The following CCDC7 variants were observed in gnomAD, a reference collection of about 807,000 sequenced individuals.
The protein encoded by CCDC7 is coiled-coil domain-containing protein 7.
In CCDC7, 183 loss-of-function variants were observed where a neutral mutation model predicts 196.9. That is an observed-to-expected ratio of 0.93 (90% CI 0.82 to 1.05). The LOEUF is 1.05. Among genes scored for constraint, CCDC7 ranks in the 50% least tolerant of loss-of-function variants. The pLI is 0.00. For missense variants in CCDC7, 1,540 were observed against 1,482.2 expected (o/e 1.04, Z -0.64); for synonymous variants, 525 against 484.6 (o/e 1.08, Z -1.10).
chr10:32,713,480 G>C (rs73261223), intron 25 of CCDC7, among the ~76,000 whole-genome samples: 8,085 of 152,308 alleles, frequency 0.053, 717 homozygotes, highest in African/African-American at 0.18. Flanking sequence ...AGTAGGAAGG[G>C]TCTGTATGTT....
intron 9 of CCDC7, chr10:32,512,021 C>T (rs926147785): frequency 7.8e-6 from 3 of 386,400 alleles, no homozygotes; most frequent in African/African-American, 6.1e-5. Context: ...ACATATTCTT[C>T]AGGATCTTGT....
chr10:32,670,219 C>G (rs1042231649), intron 21 of CCDC7, among the ~76,000 whole-genome samples: 2 of 151,992 alleles, frequency 1.3e-5, no homozygotes, highest in African/African-American at 4.8e-5. Flanking sequence ...TTTTAATAGT[C>G]CTTGTCTGTT....
At chr10:32,731,951 G>A (rs2084049367) in intron 28 of CCDC7, among the ~76,000 whole-genome samples, 1 of 152,260 alleles carries the variant, frequency 6.6e-6, no homozygotes, top group Non-Finnish European at 1.5e-5. Flanking sequence ...TACTTGGGAG[G>A]CTGAGACAGG....
intron 13 of CCDC7, among the ~76,000 whole-genome samples, chr10:32,546,120 C>T (rs1160494747): frequency 1.3e-5 from 2 of 152,034 alleles, no homozygotes; most frequent in Non-Finnish European, 2.9e-5. Flanking sequence ...AAAAACATAT[C>T]GAATGCTATA....
chr10:32,830,697 A>C (rs950158194), intron 32 of CCDC7, among the ~76,000 whole-genome samples: 5 of 152,190 alleles, frequency 3.3e-5, no homozygotes, highest in Non-Finnish European at 7.3e-5. Context: ...TAACTGAAGA[A>C]AAATTCACTA....
intron 16 of CCDC7, among the ~76,000 whole-genome samples, chr10:32,579,743 C>G (rs1300670975): frequency 6.6e-6 from 1 of 152,094 alleles, no homozygotes; most frequent in African/African-American, 2.4e-5. Context: ...TACCTGATCA[C>G]TATAGCCATT....
chr10:32,648,863 G>C (rs1477439893), intron 20 of CCDC7, among the ~76,000 whole-genome samples: 1 of 151,946 alleles, frequency 6.6e-6, no homozygotes, highest in Non-Finnish European at 1.5e-5. Flanking sequence ...GGTGTTTTAT[G>C]TCGTTACAGC....
At chr10:32,728,090 C>A (rs566660255) in intron 26 of CCDC7, among the ~76,000 whole-genome samples, 22 of 152,252 alleles carry the variant, frequency 1.4e-4, no homozygotes, top group Non-Finnish European at 2.5e-4. Flanking sequence ...ATCTCATACA[C>A]CCCCTTTCTT....
intron 9 of CCDC7, among the ~76,000 whole-genome samples, chr10:32,502,943 CT>C (rs2044305120): frequency 6.6e-6 from 1 of 151,870 alleles, no homozygotes; most frequent in African/African-American, 2.4e-5. Context: ...TTCTTGCCTT[CT>C]TTTTTAGATA....
At chr10:32,492,563 G>T (rs1044365965) in intron 9 of CCDC7, among the ~76,000 whole-genome samples, 1 of 147,858 alleles carries the variant, frequency 6.8e-6, no homozygotes, top group Non-Finnish European at 1.5e-5. Context: ...AGGACATTCT[G>T]CTAAGTATAA....
At chr10:32,641,652 C>T (rs548802095) in intron 20 of CCDC7, among the ~76,000 whole-genome samples, 9 of 152,342 alleles carry the variant, frequency 5.9e-5, no homozygotes, top group East Asian at 3.9e-4. Context: ...TCTCTCAACT[C>T]GTCAAAGTCA....
At chr10:32,785,438 G>A (rs1265395168) in intron 29 of CCDC7, among the ~76,000 whole-genome samples, 1 of 152,042 alleles carries the variant, frequency 6.6e-6, no homozygotes, top group Non-Finnish European at 1.5e-5. Flanking sequence ...CTACACATAA[G>A]CACTTACAAG....
chr10:32,857,519 C>T (rs931670473), intron 41 of CCDC7, among the ~76,000 whole-genome samples: 1 of 151,958 alleles, frequency 6.6e-6, no homozygotes, highest in African/African-American at 2.4e-5. Context: ...AAACATGCTC[C>T]TGAACAACCA....
intron 33 of CCDC7, among the ~76,000 whole-genome samples, chr10:32,839,010 A>G (rs2092802990): frequency 6.6e-6 from 1 of 151,976 alleles, no homozygotes; most frequent in Admixed American, 6.6e-5. Context: ...CAAACCCTCA[A>G]AATACACCAA....
intron 28 of CCDC7, among the ~76,000 whole-genome samples, chr10:32,761,168 TTAACA>T (rs2077408854): frequency 6.6e-6 from 1 of 152,182 alleles, no homozygotes; most frequent in East Asian, 1.9e-4. Context: ...ATTTGGCTTC[TTAACA>T]TAATACAGAA....
chr10:32,808,407 C>T (rs1183868040), intron 30 of CCDC7, among the ~76,000 whole-genome samples: 1 of 152,180 alleles, frequency 6.6e-6, no homozygotes, highest in Non-Finnish European at 1.5e-5. Flanking sequence ...GGCATCTGTG[C>T]ACTCTTCCTG....
chr10:32,524,071 C>CTT (rs35310138), intron 11 of CCDC7, among the ~76,000 whole-genome samples: 5,052 of 136,776 alleles, frequency 0.037, 130 homozygotes, highest in Non-Finnish European at 0.05. Context: ...TTCCTTCTGT[C>CTT]TTTTTTTTTT....
At chr10:32,664,649 A>G (rs2072254035) in intron 21 of CCDC7, among the ~76,000 whole-genome samples, 1 of 152,034 alleles carries the variant, frequency 6.6e-6, no homozygotes, top group Admixed American at 6.6e-5. Flanking sequence ...ACATTCATCC[A>G]TATTATCACA....
chr10:32,630,610 C>T (rs1445462974), intron 18 of CCDC7, among the ~76,000 whole-genome samples: 3 of 152,034 alleles, frequency 2.0e-5, no homozygotes, highest in African/African-American at 7.2e-5. Context: ...GAACAGATCT[C>T]CCAGACAAAA....
Sources: gnomAD v4.1 joint callset for allele counts (sites outside exome capture counted in the v4.1 genomes callset) on GRCh38, gnomAD v4.1.1 for gene constraint, MANE v1.5 for transcripts, NCBI Gene and HGNC (gene_info 2026-07-23, HGNC 2026-07-21) for gene names.